PALM2AKAP2: variants seen among roughly 807,000 people sequenced by gnomAD.
PALM2AKAP2 encodes PALM2-AKAP2 fusion protein.
PALM2AKAP2 carries 37 observed loss-of-function variants against 71.5 expected under a neutral mutation model. The observed-to-expected ratio is 0.52, with a 90% CI of 0.40 to 0.68. The LOEUF is 0.68. PALM2AKAP2 is among the 30% of genes least tolerant of loss of function. The pLI is 0.00. For synonymous variants in PALM2AKAP2, 468 were observed against 478.8 expected (o/e 0.98, Z 0.29); for missense variants, 1,224 against 1,191.8 (o/e 1.03, Z -0.40).
intron 1 of PALM2AKAP2, among the ~76,000 whole-genome samples, chr9:110,135,925 G>A (rs1835853236): frequency 6.6e-6 from 1 of 152,102 alleles, no homozygotes; most frequent in African/African-American, 2.4e-5. Flanking sequence ...AAACAAAATG[G>A]AATCCATAAA....
At chr9:110,137,159 A>G (rs1261389984) in exon 2 of PALM2AKAP2, 3 of 1,613,814 alleles carry the variant, frequency 1.9e-6, no homozygotes, top group Non-Finnish European at 2.5e-6. Context: ...ACGCGCAAGC[A>G]TGATTGACAA....
At chr9:110,142,243 T>C (rs1836052286) in intron 2 of PALM2AKAP2, among the ~76,000 whole-genome samples, 1 of 151,868 alleles carries the variant, frequency 6.6e-6, no homozygotes, top group Non-Finnish European at 1.5e-5. Flanking sequence ...AGCTAAATTT[T>C]TTGTTTGTTT....
At chr9:109,810,548 G>C (rs1354058469) in intron 1 of PALM2AKAP2, among the ~76,000 whole-genome samples, 1 of 152,198 alleles carries the variant, frequency 6.6e-6, no homozygotes, top group African/African-American at 2.4e-5. Context: ...TGTTTAGATG[G>C]AGAGGTGGAG....
At chr9:109,729,456 T>C (rs1425238428) in intron 1 of PALM2AKAP2, among the ~76,000 whole-genome samples, 1 of 152,218 alleles carries the variant, frequency 6.6e-6, no homozygotes, top group Non-Finnish European at 1.5e-5. Flanking sequence ...ATTAGATGAT[T>C]CTATGATTCT....
intron 7 of PALM2AKAP2, among the ~76,000 whole-genome samples, chr9:110,029,206 G>A (rs1037072086): frequency 1.3e-5 from 2 of 152,140 alleles, no homozygotes; most frequent in Non-Finnish European, 2.9e-5. Context: ...TTGAACAACA[G>A]CAACAACAAA....
At chr9:110,151,936 C>T (rs1836325477) in intron 2 of PALM2AKAP2, among the ~76,000 whole-genome samples, 2 of 152,180 alleles carry the variant, frequency 1.3e-5, no homozygotes, top group African/African-American at 2.4e-5. Flanking sequence ...TGACCGATGT[C>T]CTTCAAGAGA....
intron 7 of PALM2AKAP2, among the ~76,000 whole-genome samples, chr9:110,042,110 C>T (rs984160992): frequency 5.3e-5 from 8 of 152,144 alleles, no homozygotes; most frequent in Non-Finnish European, 1.0e-4. Context: ...CTTGGATGTG[C>T]ATTCCGAAAG....
chr9:109,779,645 AG>A (rs1175400169), upstream of PALM2AKAP2, among the ~76,000 whole-genome samples: 1 of 152,232 alleles, frequency 6.6e-6, no homozygotes, highest in Non-Finnish European at 1.5e-5. Flanking sequence ...GCTTCTTTTA[AG>A]GCCACATATC....
At chr9:109,865,019 A>G (rs1316307360) in intron 1 of PALM2AKAP2, among the ~76,000 whole-genome samples, 1 of 146,382 alleles carries the variant, frequency 6.8e-6, no homozygotes, top group African/African-American at 2.6e-5. Context: ...TATGCAGTGC[A>G]TTTCTACCCT....
intron 6 of PALM2AKAP2, among the ~76,000 whole-genome samples, chr9:110,005,289 C>T (rs1241992002): frequency 1.3e-5 from 2 of 152,226 alleles, no homozygotes; most frequent in African/African-American, 4.8e-5. Flanking sequence ...GGTGAAAGTC[C>T]ACTCCAGATC....
chr9:110,026,703 T>C (rs1323883502), intron 7 of PALM2AKAP2, among the ~76,000 whole-genome samples: 2 of 152,194 alleles, frequency 1.3e-5, no homozygotes, highest in Non-Finnish European at 2.9e-5. Context: ...TGTATTACTA[T>C]TTAATTGCCT....
intron 2 of PALM2AKAP2, among the ~76,000 whole-genome samples, chr9:109,870,698 G>A (rs192966805): frequency 1.0e-3 from 154 of 152,294 alleles, no homozygotes; most frequent in Non-Finnish European, 1.6e-4. Flanking sequence ...CCAGGCCACC[G>A]TTCTCTTTGA....
At chr9:110,164,854 G>GT (rs1836695130) in intron 3 of PALM2AKAP2, among the ~76,000 whole-genome samples, 1 of 152,186 alleles carries the variant, frequency 6.6e-6, no homozygotes, top group East Asian at 1.9e-4. Context: ...AAATCAGATC[G>GT]TTTTTTGTTT....
intron 6 of PALM2AKAP2, among the ~76,000 whole-genome samples, chr9:109,974,408 G>T (rs1832130658): frequency 6.6e-6 from 1 of 152,002 alleles, no homozygotes; most frequent in Admixed American, 6.5e-5. Context: ...GCTTCTTCTG[G>T]GAGTGTTGCC....
chr9:110,066,403 A>C (rs559393102), intron 1 of PALM2AKAP2, among the ~76,000 whole-genome samples: 1 of 152,306 alleles, frequency 6.6e-6, no homozygotes, highest in Admixed American at 6.5e-5. Context: ...TAAGTGAGTA[A>C]ATGTAAGTAA....
At chr9:110,005,154 G>T (rs924044534) in intron 6 of PALM2AKAP2, among the ~76,000 whole-genome samples, 1 of 152,132 alleles carries the variant, frequency 6.6e-6, no homozygotes, top group African/African-American at 2.4e-5. Flanking sequence ...CATCTTTGTG[G>T]TTTTATCTAC....
chr9:109,845,022 G>T (rs1292681294), intron 1 of PALM2AKAP2, among the ~76,000 whole-genome samples: 1 of 152,088 alleles, frequency 6.6e-6, no homozygotes, highest in Admixed American at 6.5e-5. Context: ...AGTCATTCGT[G>T]AAGATGCAGT....
chr9:109,939,654 A>G (rs1831313706), intron 6 of PALM2AKAP2, among the ~76,000 whole-genome samples: 1 of 152,242 alleles, frequency 6.6e-6, no homozygotes, highest in South Asian at 2.1e-4. Flanking sequence ...AATAAGTGTT[A>G]TATTTCAAGA....
chr9:109,891,303 C>T (rs1408581488), intron 3 of PALM2AKAP2, among the ~76,000 whole-genome samples: 1 of 152,212 alleles, frequency 6.6e-6, no homozygotes, highest in South Asian at 2.1e-4. Context: ...TGGGCAACAA[C>T]ATTCTGTACA....
Sources: gnomAD v4.1 joint callset for allele counts (sites outside exome capture counted in the v4.1 genomes callset) on GRCh38, gnomAD v4.1.1 for gene constraint, MANE v1.5 for transcripts, NCBI Gene and HGNC (gene_info 2026-07-23, HGNC 2026-07-21) for gene names.